TGFB2: variants seen among roughly 807,000 people sequenced by gnomAD.
TGFB2 encodes transforming growth factor beta 2.
TGFB2 carries 13 observed loss-of-function variants against 42.7 expected under a neutral mutation model. That is an observed-to-expected ratio of 0.30 (90% CI 0.20 to 0.48). The LOEUF (loss-of-function observed/expected upper bound fraction) is 0.48, where lower values mean the gene tolerates loss of function less well. Ranked by LOEUF, TGFB2 falls within the 20% of genes least tolerant of loss-of-function variation. The pLI is 0.99. For missense variants in TGFB2, 390 were observed against 517.5 expected, an observed-to-expected ratio of 0.75 and a Z score of 2.39; for synonymous variants, 193 against 193.6, an observed-to-expected ratio of 1.00 and a Z score of 0.03.
chr1:218,353,171 C>T (rs912296441), intron 1 of TGFB2, among the ~76,000 whole-genome samples: 14 of 152,130 alleles, frequency 9.2e-5, no homozygotes, highest in Admixed American at 9.2e-4. Context: ...ATGAGCGATA[C>T]CCCAGGAACC....
chr1:218,380,172 C>T (rs564360180), intron 1 of TGFB2, among the ~76,000 whole-genome samples: 7 of 152,184 alleles, frequency 4.6e-5, no homozygotes, highest in Non-Finnish European at 7.3e-5. Flanking sequence ...AGCACTCACT[C>T]GCATTCATTG....
intron 1 of TGFB2, among the ~76,000 whole-genome samples, chr1:218,384,761 C>G (rs868839827): frequency 6.6e-6 from 1 of 152,202 alleles, no homozygotes; most frequent in Non-Finnish European, 1.5e-5. Context: ...TAGAGTCTCA[C>G]CAGAAAAGGA....
intron 1 of TGFB2, among the ~76,000 whole-genome samples, chr1:218,355,845 C>G (rs926996497): frequency 6.6e-6 from 1 of 152,184 alleles, no homozygotes; most frequent in Non-Finnish European, 1.5e-5. Flanking sequence ...CTAAATGTCA[C>G]TGCCAATTAA....
intron 2 of TGFB2, among the ~76,000 whole-genome samples, chr1:218,407,726 G>A (rs1658959942): frequency 6.6e-6 from 1 of 152,148 alleles, no homozygotes; most frequent in South Asian, 2.1e-4. Flanking sequence ...TCACACAGGT[G>A]GGAAATGGCA....
chr1:218,432,195 C>G (rs1659828274), intron 2 of TGFB2, among the ~76,000 whole-genome samples: 1 of 152,256 alleles, frequency 6.6e-6, no homozygotes, highest in East Asian at 1.9e-4. Flanking sequence ...CTTGAGTTTG[C>G]TTCCTTAATC....
chr1:218,354,554 G>A (rs7529990), intron 1 of TGFB2, among the ~76,000 whole-genome samples: 3 of 152,236 alleles, frequency 2.0e-5, no homozygotes, highest in Non-Finnish European at 4.4e-5. Context: ...ATCCTATGAG[G>A]TTAATACTCA....
intron 1 of TGFB2, among the ~76,000 whole-genome samples, chr1:218,384,374 A>G (rs923491400): frequency 1.1e-4 from 17 of 152,344 alleles, no homozygotes; most frequent in South Asian, 4.1e-4. Context: ...AATGCTTCCT[A>G]TACTATTATG....
intron 2 of TGFB2, among the ~76,000 whole-genome samples, chr1:218,408,106 C>T (rs1658973374): frequency 6.6e-6 from 1 of 152,150 alleles, no homozygotes. Flanking sequence ...TACATGGCTT[C>T]AGTAAATTGG....
chr1:218,431,295 T>A (rs1398135758), intron 2 of TGFB2, among the ~76,000 whole-genome samples: 1 of 152,202 alleles, frequency 6.6e-6, no homozygotes, highest in Admixed American at 6.5e-5. Flanking sequence ...CTAGTAGGAT[T>A]TAAAAGAGAA....
At chr1:218,420,783 C>A (rs576609479) in intron 2 of TGFB2, among the ~76,000 whole-genome samples, 2 of 152,250 alleles carry the variant, frequency 1.3e-5, no homozygotes, top group East Asian at 3.9e-4. Context: ...ATACTCTGTA[C>A]TGTAAAGCGA....
In TGFB2 at chr1:218,346,383, A is replaced by G. The variant is rs886992578; in HGVS notation, c.-319A>G. The G allele has an allele frequency of 3.0e-5, 8 of 267,462 alleles. No homozygotes were observed. The highest frequency in any genetic ancestry group is 8.9e-5 in the East Asian group (1 of 11,274). 16.6% of individuals were successfully genotyped at this position (267,462 alleles called of 1,614,324 possible). ...CTCCTCTTAAATTTATTTCTACTTA[A>G]TAGCCACTCGTCTCTTTTTTTCCCC... On this transcript the variant is annotated 5_prime_UTR_variant, in exon 1 of 7. Coordinates refer to ENST00000366930, the MANE Select transcript of TGFB2 (RefSeq NM_003238.6). The surrounding 1 kb of genome is among the most constrained non-coding windows in gnomAD (Gnocchi z 4.9).
At chr1:218,378,071 G>A (rs1414415358) in intron 1 of TGFB2, among the ~76,000 whole-genome samples, 1 of 152,256 alleles carries the variant, frequency 6.6e-6, no homozygotes, top group South Asian at 2.1e-4. Context: ...CGCCTCCCGG[G>A]TTCAAGCAAT....
At chr1:218,368,218 C>T (rs950819811) in intron 1 of TGFB2, among the ~76,000 whole-genome samples, 1 of 151,912 alleles carries the variant, frequency 6.6e-6, no homozygotes, top group African/African-American at 2.4e-5. Context: ...GATCTCGGCT[C>T]ACTGCGACCT....
At chr1:218,409,722 C>T (rs1156289000) in intron 2 of TGFB2, among the ~76,000 whole-genome samples, 2 of 152,144 alleles carry the variant, frequency 1.3e-5, no homozygotes, top group East Asian at 3.9e-4. Context: ...TTGGAAAGCT[C>T]AGCTCTTCAG....
intron 2 of TGFB2, among the ~76,000 whole-genome samples, chr1:218,423,850 T>A (rs1054612613): frequency 2.6e-5 from 4 of 152,242 alleles, no homozygotes; most frequent in Non-Finnish European, 5.9e-5. Flanking sequence ...ACACTTAATT[T>A]TCTCGACAAA....
chr1:218,395,858 C>T (rs1206538203), intron 1 of TGFB2, among the ~76,000 whole-genome samples: 1 of 152,184 alleles, frequency 6.6e-6, no homozygotes, highest in Non-Finnish European at 1.5e-5. Flanking sequence ...TCGTGATCCA[C>T]CCACCTCGGC....
intron 1 of TGFB2, among the ~76,000 whole-genome samples, chr1:218,377,940 C>T (rs1657798294): frequency 6.6e-6 from 1 of 151,828 alleles, no homozygotes; most frequent in African/African-American, 2.4e-5. Flanking sequence ...CGTTTTAATT[C>T]ATTACATATA....
chr1:218,405,092 G>T (rs1391897827), intron 1 of TGFB2, 77 bp from the exon 2 acceptor site: 15 of 1,450,354 alleles, frequency 1.0e-5, no homozygotes, highest in Non-Finnish European at 1.1e-5. Flanking sequence ...GGTTTCTTGG[G>T]ATTATCTCAC....
At chr1:218,440,105 G>A (rs1006661095) in intron 6 of TGFB2, among the ~76,000 whole-genome samples, 2 of 152,168 alleles carry the variant, frequency 1.3e-5, no homozygotes, top group Admixed American at 1.3e-4. Context: ...GAAGGTGTAA[G>A]GCTAATTATA....
Sources: gnomAD v4.1 joint callset for allele counts (sites outside exome capture counted in the v4.1 genomes callset) on GRCh38, gnomAD v4.1.1 for gene constraint, Gnocchi (gnomAD v3.1) non-coding constraint, MANE v1.5 for transcripts, NCBI Gene and HGNC (gene_info 2026-07-23, HGNC 2026-07-21) for gene names.